The following DHX8 variants were observed in gnomAD, a reference collection of about 807,000 sequenced individuals.
DHX8 encodes ATP-dependent RNA helicase DHX8.
A neutral mutation model predicts 140.7 loss-of-function variants in DHX8; 67 were observed. The observed-to-expected ratio is 0.48, with a 90% CI of 0.39 to 0.58. The LOEUF is 0.58. Ranked by LOEUF, DHX8 falls within the 20% of genes least tolerant of loss-of-function variation. The pLI is 0.00. For synonymous variants in DHX8, 533 were observed against 553.2 expected (o/e 0.96, Z 0.51); for missense variants, 887 against 1,550.7 (o/e 0.57, Z 7.19).
intron 1 of DHX8, among the ~76,000 whole-genome samples, chr17:43,488,202 CAG>C (rs1028097746): frequency 4.6e-5 from 7 of 151,608 alleles, no homozygotes; most frequent in East Asian, 1.9e-4. Context: ...CGCTTAAACT[CAG>C]GGGGCAGAGG....
intron 2 of DHX8, 71 bp from the exon 3 acceptor site, chr17:43,490,320 C>G: frequency 8.4e-7 from 1 of 1,187,850 alleles, no homozygotes; most frequent in Non-Finnish European, 1.2e-6. Flanking sequence ...ACAGGACATT[C>G]TTTGCCTTTT....
chr17:43,513,247 A>G (rs927659711), intron 16 of DHX8, 115 bp from the exon 17 acceptor site: 6 of 1,146,668 alleles, frequency 5.2e-6, no homozygotes, highest in African/African-American at 1.6e-5. Context: ...TTAACCGTCT[A>G]GAGAGAGAGA....
In DHX8 at chr17:43,504,765, G is replaced by A; in HGVS notation, c.1668G>A (p.Met556Ile). The A allele has an allele frequency of 6.2e-7, 1 of 1,614,198 alleles. No individual in the cohort carries two copies. Among genetic ancestry groups the A allele is most frequent in the Non-Finnish European group, 8.5e-7 (1 of 1,180,036 alleles). Residue 556 changes from methionine (M) to isoleucine (I), a missense_variant, in exon 12 of 23, where the codon ATG becomes ATA. By Grantham distance (10) the Met-to-Ile change is conservative. This residue lies in a region of DHX8 where 178 missense variants were observed against 398.5 expected (regional missense o/e 0.45). Transcript: ENST00000262415. ...CCTCTTACGGAAAAAAGACCCAGAT[G>A]TCAATCCTTGAGCAGAGGGAGAGCC... The part of the protein sequence containing the change: ...NKASYGKKTQ[M>I]SILEQRESLP...
At chr17:43,515,147 T>G (rs1970041415) in intron 17 of DHX8, among the ~76,000 whole-genome samples, 1 of 152,234 alleles carries the variant, frequency 6.6e-6, no homozygotes. Flanking sequence ...TTAAGGCTAT[T>G]TTTATTTTGA....
intron 16 of DHX8, among the ~76,000 whole-genome samples, chr17:43,508,760 C>T (rs1969628901): frequency 6.6e-6 from 1 of 151,964 alleles, no homozygotes; most frequent in African/African-American, 2.4e-5. Context: ...GCTGGGACTA[C>T]AGGCACCTGC....
chr17:43,523,557 C>A (rs1042330438), intron 22 of DHX8, 71 bp from the exon 23 acceptor site: 1 of 1,590,246 alleles, frequency 6.3e-7, no homozygotes, highest in Non-Finnish European at 8.6e-7. Flanking sequence ...CTGAGGCCTA[C>A]TAGGGACCAG....
At chr17:43,535,080 G>C (rs1567711297) in intron 2 of DHX8, among the ~76,000 whole-genome samples, 1 of 152,304 alleles carries the variant, frequency 6.6e-6, no homozygotes, top group East Asian at 1.9e-4. Context: ...CCCCTGCGGG[G>C]TTCCCAAACT....
At chr17:43,535,657 C>T (rs1375610640) in intron 2 of DHX8, among the ~76,000 whole-genome samples, 2 of 152,172 alleles carry the variant, frequency 1.3e-5, no homozygotes, top group African/African-American at 4.8e-5. Flanking sequence ...AGGAGCGGTC[C>T]TGAGCATCAT....
downstream of DHX8, chr17:43,530,542 A>G (rs973273254): frequency 2.6e-6 from 2 of 784,036 alleles, no homozygotes; most frequent in African/African-American, 1.8e-5. Context: ...GTCCACGCCT[A>G]AGACTCCCTC....
chr17:43,529,528 C>G (rs1195189231), downstream of DHX8: 2 of 1,613,096 alleles, frequency 1.2e-6, no homozygotes, highest in South Asian at 2.2e-5. Context: ...TGAGCTTGAA[C>G]TCCATTCCCC....
At chr17:43,486,034 T>C (rs1430566957) in intron 1 of DHX8, among the ~76,000 whole-genome samples, 2 of 145,080 alleles carry the variant, frequency 1.4e-5, no homozygotes, top group Non-Finnish European at 3.0e-5. Context: ...CCATTTCTAC[T>C]AAAAAAAAAA....
Position 43,498,138 on chromosome 17 carries a change from G to GT in DHX8, c.1301-723dup, listed in dbSNP as rs1491462173. ...CATTGCTGTCCTTTGACCTGGGAAG[G>GT]TGTTTTTTTTTTTTTTTTAATTTGA... is the stretch of plus-strand genomic sequence containing the variant. On this transcript the variant is annotated intron_variant, in intron 9 of 22. Coordinates refer to ENST00000262415, the MANE Select transcript of DHX8 (RefSeq NM_004941.3). Among the ~76,000 whole-genome samples the GT allele has an allele frequency of 9.9e-4, 147 of 148,178 alleles. 1 individual carries two copies. Among genetic ancestry groups the GT allele is most frequent in the African/African-American group, 2.2e-3 (89 of 40,632 alleles).
chr17:43,539,669 TG>T (rs1367445561), intron 3 of DHX8, among the ~76,000 whole-genome samples: 1 of 152,192 alleles, frequency 6.6e-6, no homozygotes, highest in East Asian at 1.9e-4. Flanking sequence ...AAGTCAGCAC[TG>T]TGGGCCTGAG....
At chr17:43,492,320 A>G in intron 5 of DHX8, 28 bp downstream of exon 5, 1 of 1,582,286 alleles carries the variant, frequency 6.3e-7, no homozygotes. Context: ...TGTCCTTTGG[A>G]AGTTTAGGGT....
At chr17:43,541,257 A>G (rs1388024609) in intron 3 of DHX8, among the ~76,000 whole-genome samples, 1 of 152,192 alleles carries the variant, frequency 6.6e-6, no homozygotes, top group Non-Finnish European at 1.5e-5. Context: ...AGAAACAGGA[A>G]CACTGAGCCT....
At chr17:43,491,326 A>T (rs182560747) in intron 4 of DHX8, 76 bp downstream of exon 4, 261 of 818,832 alleles carry the variant, frequency 3.2e-4, no homozygotes, top group Non-Finnish European at 4.1e-4. Flanking sequence ...TAGTAATTTT[A>T]TTAATTTTAA....
chr17:43,494,600 A>G (rs1279346188), intron 8 of DHX8, among the ~76,000 whole-genome samples: 3 of 151,082 alleles, frequency 2.0e-5, no homozygotes, highest in Non-Finnish European at 4.4e-5. Context: ...GCGCGCCTAT[A>G]ATCCCAGCTA....
chr17:43,531,179 C>T (rs1970915046), downstream of DHX8, among the ~76,000 whole-genome samples: 1 of 152,036 alleles, frequency 6.6e-6, no homozygotes, highest in African/African-American at 2.4e-5. Flanking sequence ...GTTGTGGGCA[C>T]CACAAAAAGG....
chr17:43,492,806 C>T lies in DHX8; in HGVS notation c.629C>T (p.Ser210Phe), dbSNP rs1188683076. 1.9e-6 allele frequency: 3 copies of T among 1,614,078 alleles called. No homozygotes were observed. The highest frequency in any genetic ancestry group is 2.5e-6 in the Non-Finnish European group (3 of 1,180,010). Residue 210 changes from serine (S) to phenylalanine (F), a missense_variant, in exon 6 of 23, where the codon TCC becomes TTC. Coordinates refer to ENST00000262415, the MANE Select transcript of DHX8 (RefSeq NM_004941.3). ...RRHRSRSRSR[S>F]RTRERNKVKS... ...CACCGATCCCGCTCTCGATCACGTT[C>T]CAGGACCCGGGAGAGGAATAAAGTG...
Sources: allele counts gnomAD v4.1 joint callset (sites outside exome capture counted in the v4.1 genomes callset), GRCh38; gene constraint gnomAD v4.1.1; regional missense constraint gnomAD v4.1.1; transcripts MANE v1.5; gene names NCBI Gene and HGNC (gene_info 2026-07-23, HGNC 2026-07-21).